DGKB: variants seen among roughly 807,000 people sequenced by gnomAD.
DGKB encodes the protein 90 kDa diacylglycerol kinase.
DGKB carries 67 observed loss-of-function variants against 114.3 expected under a neutral mutation model. The ratio of observed to expected loss-of-function variants is 0.59; its 90% confidence interval spans 0.48 to 0.72. The LOEUF (loss-of-function observed/expected upper bound fraction) is 0.72, where lower values mean the gene tolerates loss of function less well. Ranked by LOEUF, DGKB falls within the 30% of genes least tolerant of loss-of-function variation. The probability of loss-of-function intolerance (pLI) is 0.00; values close to 1 mark genes in which losing one functional copy is unlikely to be tolerated. For missense variants in DGKB, 907 were observed against 975.2 expected, an observed-to-expected ratio of 0.93 and a Z score of 0.93; for synonymous variants, 398 against 323.1, an observed-to-expected ratio of 1.23 and a Z score of -2.49.
chr7:14,421,793 A>G lies in DGKB; in HGVS notation c.1835+56368T>C, dbSNP rs140703647. On this transcript the variant is annotated intron_variant, in intron 21 of 25. Coordinates refer to ENST00000402815, the MANE Select transcript of DGKB (RefSeq NM_001350709.2). ...AGCACTGATGTAATTAGAGATACTT[A>G]GACATGTAGCTAAAGAAAATATACC... 5.3e-5 allele frequency among the ~76,000 whole-genome samples: 8 copies of G among 152,230 alleles called. No homozygotes were observed. In the East Asian group the frequency reaches 1.2e-3, roughly 22 times the overall value.
intron 20 of DGKB, among the ~76,000 whole-genome samples, chr7:14,545,135 C>T (rs1048642776): frequency 3.9e-5 from 6 of 151,904 alleles, no homozygotes; most frequent in Admixed American, 6.6e-5. Context: ...TTTTTCTACT[C>T]ATTTCTATGC....
chr7:14,800,212 G>C (rs559560908), intron 2 of DGKB, among the ~76,000 whole-genome samples: 1 of 152,194 alleles, frequency 6.6e-6, no homozygotes, highest in Non-Finnish European at 1.5e-5. Context: ...CACCGCGCTC[G>C]GTCTAGTCTC....
rs196758 is a variant in DGKB, at chr7:14,422,299, T to A, written c.1835+55862A>T. ...TAATAACTTTTAATGGAGTAAATAC[T>A]TGTTTATTTTTCTGAAGTTAACTTT... On this transcript the variant is annotated intron_variant, in intron 21 of 25. Coordinates refer to ENST00000402815, the MANE Select transcript of DGKB (RefSeq NM_001350709.2). Among the ~76,000 whole-genome samples the A allele has an allele frequency of 2.6e-5, 4 of 152,042 alleles. No individual in the cohort carries two copies. In the East Asian group the frequency reaches 7.7e-4, roughly 29 times the overall value.
intron 23 of DGKB, among the ~76,000 whole-genome samples, chr7:14,225,300 T>G (rs961619790): frequency 6.6e-6 from 1 of 152,064 alleles, no homozygotes; most frequent in African/African-American, 2.4e-5. Flanking sequence ...CTTTAGTTGC[T>G]GAGTATGGGA....
Position 14,710,250 on chromosome 7 carries a change from T to C in DGKB, c.466+8292A>G, listed in dbSNP as rs181405274. ...TTCAAATAGTTTTTAAAGATTTATT[T>C]CCAGGTATTTAAAAATTTTGATTTG... On this transcript the variant is annotated intron_variant, in intron 6 of 25. Transcript: ENST00000402815. Among the ~76,000 whole-genome samples, 817 of 152,222 alleles carry C rather than the reference T, an allele frequency of 5.4e-3. 6 individuals are homozygous for C. Among genetic ancestry groups the C allele is most frequent in the African/African-American group, 0.018 (761 of 41,560 alleles).
At chr7:14,901,605 A>ACCCCCCCCCCCCCCCCCCCCCCCCTCCCC (rs1300363624) in intron 1 of DGKB, among the ~76,000 whole-genome samples, 1 of 123,094 alleles carries the variant, frequency 8.1e-6, no homozygotes, top group Non-Finnish European at 1.7e-5. Flanking sequence ...AGGGATTTCC[A>ACCCCCCCCCCCCCCCCCCCCCCCCTCCCC]CCCCCCCCCA....
At chr7:14,945,831 G>C (rs538440659) in intron 1 of DGKB, among the ~76,000 whole-genome samples, 9 of 151,472 alleles carry the variant, frequency 5.9e-5, no homozygotes, top group African/African-American at 2.2e-4. Context: ...CCTATTCTTT[G>C]ATTACTTATC....
At chr7:14,627,671 C>T (rs1359229329) in intron 14 of DGKB, among the ~76,000 whole-genome samples, 1 of 151,714 alleles carries the variant, frequency 6.6e-6, no homozygotes, top group African/African-American at 2.4e-5. Context: ...GGGCTAGGCG[C>T]GGTGGCTCAC....
intron 21 of DGKB, among the ~76,000 whole-genome samples, chr7:14,453,258 G>C (rs1415287631): frequency 6.6e-6 from 1 of 152,114 alleles, no homozygotes; most frequent in Non-Finnish European, 1.5e-5. Context: ...GACATGGGTT[G>C]TCAGGTTCCA....
intron 23 of DGKB, among the ~76,000 whole-genome samples, chr7:14,260,715 C>A (rs10275939): frequency 0.097 from 14,755 of 152,132 alleles, 1,179 homozygotes; most frequent in East Asian, 0.31. Context: ...TTTTAGCAAC[C>A]CTTTTGGTTT....
At chr7:14,462,064 G>A (rs990823566) in intron 21 of DGKB, among the ~76,000 whole-genome samples, 3 of 152,058 alleles carry the variant, frequency 2.0e-5, no homozygotes, top group Admixed American at 1.3e-4. Flanking sequence ...AGCCCTTCAC[G>A]CTAAAAACTC....
chr7:14,785,388 C>T (rs1292860689), intron 2 of DGKB, among the ~76,000 whole-genome samples: 2 of 151,952 alleles, frequency 1.3e-5, no homozygotes, highest in Non-Finnish European at 2.9e-5. Context: ...TACTTTGGCT[C>T]TTAATATCTA....
chr7:14,648,933 G>A (rs1202441300), intron 13 of DGKB, among the ~76,000 whole-genome samples: 2 of 114,012 alleles, frequency 1.8e-5, no homozygotes, highest in African/African-American at 3.3e-5. Flanking sequence ...AGCGAGAAGG[G>A]AAGTTTAGAG....
chr7:14,339,250 A>T (rs1178738941), intron 22 of DGKB, among the ~76,000 whole-genome samples: 1 of 151,832 alleles, frequency 6.6e-6, no homozygotes, highest in Non-Finnish European at 1.5e-5. Flanking sequence ...ATTCTAAGAG[A>T]TTTCAATCAC....
intron 17 of DGKB, among the ~76,000 whole-genome samples, chr7:14,603,416 T>G (rs979871301): frequency 1.2e-4 from 18 of 152,154 alleles, no homozygotes; most frequent in South Asian, 6.2e-4. Flanking sequence ...GTGTCATAAT[T>G]TCATAACAAG....
At chr7:14,961,233 A>C (rs36912) in intron 1 of DGKB, among the ~76,000 whole-genome samples, 56,864 of 152,060 alleles carry the variant, frequency 0.37, 11,545 homozygotes, top group African/African-American at 0.53. Flanking sequence ...TGTGTGCATG[A>C]AGCTTAGCTT....
chr7:14,430,564 C>G (rs569858336), intron 21 of DGKB, among the ~76,000 whole-genome samples: 190 of 152,200 alleles, frequency 1.2e-3, no homozygotes, highest in African/African-American at 4.4e-3. Flanking sequence ...TACAGAATCC[C>G]TCATGCCACA....
rs866066760 is a variant in DGKB, at chr7:14,453,389, A to G, written c.1835+24772T>C. Among the ~76,000 whole-genome samples, 52 of 152,232 alleles carry G rather than the reference A, an allele frequency of 3.4e-4. No individual in the cohort carries two copies. In the South Asian group the frequency reaches 3.7e-3, roughly 11 times the overall value. ...GCAAAATCGACACAGATAAGGGACT[A>G]GTTTGCTCCAGAGTCTCTATTCCAT... is the stretch of plus-strand genomic sequence containing the variant. On this transcript the variant is annotated intron_variant, in intron 21 of 25. Transcript: ENST00000402815.
intron 25 of DGKB, among the ~76,000 whole-genome samples, chr7:14,154,839 ACAT>A (rs1782753043): frequency 6.9e-6 from 1 of 144,776 alleles, no homozygotes; most frequent in African/African-American, 2.5e-5. Context: ...GCAAGTCTAT[ACAT>A]TCTGCTTTTT....
Sources: allele counts gnomAD v4.1 joint callset (sites outside exome capture counted in the v4.1 genomes callset), GRCh38; gene constraint gnomAD v4.1.1; transcripts MANE v1.5; gene names NCBI Gene and HGNC (gene_info 2026-07-23, HGNC 2026-07-21).